ARFGEF1: variants seen among roughly 807,000 people sequenced by gnomAD.
ARFGEF1 encodes the protein ARF guanine nucleotide exchange factor 1.
A neutral mutation model predicts 231.0 loss-of-function variants in ARFGEF1; 42 were observed. That is an observed-to-expected ratio of 0.18 (90% CI 0.14 to 0.24). The LOEUF is 0.24. Ranked by LOEUF, ARFGEF1 falls within the 10% of genes least tolerant of loss-of-function variation. The pLI is 1.00. For missense variants in ARFGEF1, 1,345 were observed against 2,192.0 expected (o/e 0.61, Z 7.72); for synonymous variants, 710 against 732.3 (o/e 0.97, Z 0.49).
chr8:67,185,222 TC>T (rs982836712), intron 5 of ARFGEF1, among the ~76,000 whole-genome samples: 2 of 152,196 alleles, frequency 1.3e-5, no homozygotes, highest in African/African-American at 4.8e-5. Flanking sequence ...TTTATCTCCG[TC>T]CACCTTCTTT....
At chr8:67,228,926 T>C (rs946246211) in intron 23 of ARFGEF1, among the ~76,000 whole-genome samples, 1 of 152,054 alleles carries the variant, frequency 6.6e-6, no homozygotes, top group Non-Finnish European at 1.5e-5. Flanking sequence ...TTTTAACCCA[T>C]ATTCTGGGTT....
chr8:67,245,003 G>C (rs1429531833), intron 19 of ARFGEF1, among the ~76,000 whole-genome samples: 2 of 150,632 alleles, frequency 1.3e-5, no homozygotes, highest in Non-Finnish European at 2.9e-5. Flanking sequence ...AACATACAAT[G>C]AAGCTCCAAT....
chr8:67,258,604 G>A (rs1409351308), intron 15 of ARFGEF1, among the ~76,000 whole-genome samples: 1 of 152,114 alleles, frequency 6.6e-6, no homozygotes, highest in Non-Finnish European at 1.5e-5. Context: ...TTACAGGCAT[G>A]AGCCACTGTG....
At chr8:67,302,905 T>TAAAAAAAAAAAAAAAAAA (rs1563902346) in intron 1 of ARFGEF1, among the ~76,000 whole-genome samples, 3 of 100,234 alleles carry the variant, frequency 3.0e-5, no homozygotes, top group African/African-American at 1.2e-4. Flanking sequence ...ACCCCATCTC[T>TAAAAAAAAAAAAAAAAAA]TAAAAAAAAA....
intron 38 of ARFGEF1, 59 bp downstream of exon 38, chr8:67,200,337 C>A (rs771848028): frequency 4.0e-6 from 5 of 1,248,212 alleles, no homozygotes; most frequent in Non-Finnish European, 5.9e-6. Context: ...TCTGGGACCC[C>A]GCATCCCAAT....
chr8:67,324,690 C>T (rs1807748928), intron 1 of ARFGEF1, among the ~76,000 whole-genome samples: 1 of 152,156 alleles, frequency 6.6e-6, no homozygotes, highest in Admixed American at 6.5e-5. Context: ...AGATTACAAG[C>T]TGTTGAAGGT....
intron 1 of ARFGEF1, among the ~76,000 whole-genome samples, chr8:67,310,621 T>C (rs1806963231): frequency 6.6e-6 from 1 of 151,278 alleles, no homozygotes; most frequent in South Asian, 2.1e-4. Context: ...GGAGCGCCTC[T>C]TCCCGGCCAC....
At chr8:67,282,456 T>A (rs1329300292) in intron 7 of ARFGEF1, among the ~76,000 whole-genome samples, 1 of 152,122 alleles carries the variant, frequency 6.6e-6, no homozygotes, top group East Asian at 1.9e-4. Flanking sequence ...TTTTATAATC[T>A]TAGGGTGGTA....
intron 10 of ARFGEF1, among the ~76,000 whole-genome samples, chr8:67,271,439 G>C (rs34345865): frequency 6.6e-6 from 1 of 151,858 alleles, no homozygotes; most frequent in Non-Finnish European, 1.5e-5. Context: ...TAATTCAAGA[G>C]AGCAAGAACC....
chr8:67,311,309 C>A (rs1474658303), intron 1 of ARFGEF1, among the ~76,000 whole-genome samples: 1 of 125,830 alleles, frequency 7.9e-6, no homozygotes, highest in Admixed American at 7.4e-5. Context: ...CCCCCCCGCC[C>A]GGCCAGCTGC....
chr8:67,208,489 G>T (rs1838600779), intron 34 of ARFGEF1, among the ~76,000 whole-genome samples: 1 of 152,044 alleles, frequency 6.6e-6, no homozygotes, highest in African/African-American at 2.4e-5. Flanking sequence ...AATTAGCCAG[G>T]TGTAGTGGCA....
chr8:67,177,531 A>G, intron 5 of ARFGEF1: 1 of 577,794 alleles, frequency 1.7e-6, no homozygotes, highest in Non-Finnish European at 3.1e-6. Flanking sequence ...ATGTTTTTTA[A>G]TAAGTGATAT....
At chr8:67,190,571 A>C (rs1835940244) in intron 5 of ARFGEF1, 1 of 1,046,774 alleles carries the variant, frequency 9.6e-7, no homozygotes, top group African/African-American at 1.6e-5. Context: ...AATCTTAGTA[A>C]TTAAAAGGCT....
chr8:67,208,271 TAAAAAATTCCCTGA>T (rs893811933), intron 34 of ARFGEF1, among the ~76,000 whole-genome samples: 1 of 152,056 alleles, frequency 6.6e-6, no homozygotes, highest in Non-Finnish European at 1.5e-5. Flanking sequence ...CATCTAGGAT[TAAAAAATTCCCTGA>T]AAAAAATTAA....
intron 1 of ARFGEF1, among the ~76,000 whole-genome samples, chr8:67,332,987 CAA>C (rs1277092253): frequency 6.6e-6 from 1 of 151,690 alleles, no homozygotes; most frequent in African/African-American, 2.4e-5. Flanking sequence ...AGTAAACACT[CAA>C]TAAATGTTAG....
At chr8:67,229,546 G>T (rs1188019929) in intron 23 of ARFGEF1, among the ~76,000 whole-genome samples, 1 of 152,056 alleles carries the variant, frequency 6.6e-6, no homozygotes, top group Non-Finnish European at 1.5e-5. Flanking sequence ...TTCGTCAGCA[G>T]AATGAAGCAG....
At chr8:67,232,072 C>T (rs1839572044) in intron 23 of ARFGEF1, among the ~76,000 whole-genome samples, 1 of 151,926 alleles carries the variant, frequency 6.6e-6, no homozygotes, top group African/African-American at 2.4e-5. Flanking sequence ...TCTAGTTCTA[C>T]CTGTACTTAG....
At chr8:67,311,203 T>C (rs1807018201) in intron 1 of ARFGEF1, among the ~76,000 whole-genome samples, 1 of 138,114 alleles carries the variant, frequency 7.2e-6, no homozygotes, top group African/African-American at 2.8e-5. Flanking sequence ...GAGGAGCCCC[T>C]CTGCCTGGCC....
intron 6 of ARFGEF1, among the ~76,000 whole-genome samples, chr8:67,290,299 A>G (rs1305006814): frequency 3.9e-5 from 6 of 151,990 alleles, no homozygotes; most frequent in African/African-American, 1.5e-4. Context: ...CCTTGGTTGG[A>G]AAATTTCCTA....
Sources: gnomAD v4.1 joint callset for allele counts (sites outside exome capture counted in the v4.1 genomes callset) on GRCh38, gnomAD v4.1.1 for gene constraint, MANE v1.5 for transcripts, NCBI Gene and HGNC (gene_info 2026-07-23, HGNC 2026-07-21) for gene names.